Variants in ZNF594 observed in about 807,000 individuals in gnomAD.
ZNF594 encodes the protein zinc finger protein 594, also known as zinc finger protein HZF18.
For missense variants in ZNF594, 1,037 were observed against 964.6 expected (o/e 1.08, Z -0.99); for synonymous variants, 336 against 309.4 (o/e 1.09, Z -0.90).
chr17:5,181,184 A>C lies in ZNF594; in HGVS notation c.*649T>G. Reference sequence around the variant, plus strand: ...CAGTATGAACACGATGGTGTCTAATAAGATCTGAGCTGCCCCTAAAAGATT... The same window carrying C: ...CAGTATGAACACGATGGTGTCTAATCAGATCTGAGCTGCCCCTAAAAGATT... On this transcript the variant is annotated 3_prime_UTR_variant, in exon 2 of 2. Transcript: ENST00000575779. The C allele has an allele frequency of 6.2e-7, 1 of 1,610,964 alleles. No homozygotes were observed. Among genetic ancestry groups the C allele is most frequent in the South Asian group, 1.1e-5 (1 of 91,024 alleles).
rs1210204395 is a variant in ZNF594, at chr17:5,181,280, C to G, written c.*553G>C. The G allele has an allele frequency of 2.5e-6, 4 of 1,612,586 alleles. No individual in the cohort carries two copies. Among genetic ancestry groups the G allele is most frequent in the Non-Finnish European group, 2.5e-6 (3 of 1,178,710 alleles). On this transcript the variant is annotated 3_prime_UTR_variant, in exon 2 of 2. Coordinates refer to ENST00000575779, the MANE Select transcript of ZNF594 (RefSeq NM_032530.2). The stretch of plus-strand genomic sequence containing the variant: ...TATGATGTCTCAGAAGGTCTGAGCT[C>G]TGATTGAAAGTTTTCCCACATTCTT...
At chr17:5,190,340 T>C (rs906870527) in intron 1 of ZNF594, among the ~76,000 whole-genome samples, 7 of 152,100 alleles carry the variant, frequency 4.6e-5, no homozygotes, top group African/African-American at 1.7e-4. Context: ...TGCACTCTAG[T>C]CTGTTGACAG....
rs753488765 is a variant in ZNF594 at position 5,183,028 on chromosome 17, C to A, written c.1229G>T (p.Gly410Val). 1 of 1,614,000 alleles carries A rather than the reference C, an allele frequency of 6.2e-7. No individual in the cohort carries two copies. Among genetic ancestry groups the A allele is most frequent in the African/African-American group, 1.3e-5 (1 of 75,012 alleles). The change falls in exon 2 of 2, where the codon GGG becomes GTG. Residue 410 changes from glycine (G) to valine (V), a missense_variant. Physicochemically the swap from Gly to Val is moderately radical, Grantham distance 109. Coordinates refer to ENST00000575779, the MANE Select transcript of ZNF594 (RefSeq NM_032530.2). The stretch of plus-strand genomic sequence containing the variant: ...GTCTGAGCTCTGATTGAAAGTTTTC[C>A]CACATTCTTTACATTCATATGGTTT... ...GEKPYECKEC[G>V]KTFNQSSDLL... is the part of the protein sequence containing the mutation.
chr17:5,183,958 C>T lies in ZNF594; in HGVS notation c.299G>A (p.Arg100Lys), dbSNP rs1410213162. The change falls in exon 2 of 2, where the codon AGA (arginine) becomes AAA (lysine). Residue 100 changes from arginine (R) to lysine (K), a missense_variant. By Grantham distance (26) the Arg-to-Lys change is conservative. Transcript: ENST00000575779. ...KILSAGESSH[R>K]YEVSGQNFKQ... ...GAAGTTTTGGCCACTAACCTCATAT[C>T]TATGGGAGCTTTCTCCTGCAGAAAG... 1 of 1,614,014 alleles carries T rather than the reference C, an allele frequency of 6.2e-7. No homozygotes were observed.
rs146036622 is a variant in ZNF594 at position 5,179,933 on chromosome 17, A to C, written c.*1900T>G. On this transcript the variant is annotated 3_prime_UTR_variant, in exon 2 of 2. Transcript: ENST00000575779. ...CACAGGACATAGGGGAGTAAAAAGA[A>C]GGCCTTGGTGATTAAAAAGTTGGAA... The C allele has an allele frequency of 0.011, 1,680 of 152,226 alleles. 9 individuals carry two copies. The highest frequency in any genetic ancestry group is 0.015 in the Non-Finnish European group (1,040 of 68,026). The allele number at this position is 152,226 out of a possible 1,614,324, so 9.4% of individuals were successfully genotyped here. A position where few individuals can be genotyped will look rare whatever the true frequency, so the allele number is the denominator to read the frequency against.
At chr17:5,174,877 AG>A (rs2074292406), downstream of ZNF594, 1 of 191,324 alleles carries the variant, frequency 5.2e-6, no homozygotes, top group South Asian at 1.9e-4. Context: ...TAAATAAAAT[AG>A]TGTTGATGTA....
chr17:5,181,979 C>T lies in ZNF594; in HGVS notation c.2278G>A (p.Val760Ile), dbSNP rs758289250. ...KEQRTHQEKK[V>I]YWCNQCSRTF... is the part of the protein sequence containing the mutation. ...CTACTACACTGATTACACCAATAAA[C>T]TTTCTTTTCCTGGTGAGTTCTCTGC... The change falls in exon 2 of 2, where the codon GTT becomes ATT. Residue 760 changes from valine (V) to isoleucine (I), a missense_variant. Val to Ile is a conservative substitution (Grantham distance 29, BLOSUM62 3). Coordinates refer to ENST00000575779, the MANE Select transcript of ZNF594 (RefSeq NM_032530.2). 4.3e-6 allele frequency: 7 copies of T among 1,613,590 alleles called. No individual in the cohort carries two copies. The South Asian group carries it at 6.6e-5, about 15-fold the overall frequency.
intron 1 of ZNF594, among the ~76,000 whole-genome samples, chr17:5,184,755 A>C (rs2074375584): frequency 6.6e-6 from 1 of 152,248 alleles, no homozygotes; most frequent in African/African-American, 2.4e-5. Context: ...CCAGGAAGTT[A>C]GTTTCTCTTC....
Position 5,182,969 on chromosome 17 carries a change from T to C in ZNF594, c.1288A>G (p.Lys430Glu). Reference protein sequence around the residue: ...LRHHRIHSGEKPCVCSKCGKS... With the variant: ...LRHHRIHSGEEPCVCSKCGKS... ...CCACATTTGCTACATACACAAGGTT[T>C]TTCTCCACTGTGAATTCTATGATGT... Residue 430 changes from lysine to glutamate, a missense_variant, in exon 2 of 2, where the codon AAA becomes GAA. Coordinates refer to ENST00000575779, the MANE Select transcript of ZNF594 (RefSeq NM_032530.2). 6.2e-7 allele frequency: 1 copy of C among 1,614,114 alleles called. No homozygotes were observed. The highest frequency in any genetic ancestry group is 1.1e-5 in the South Asian group (1 of 91,072).
At chr17:5,177,739 G>A (rs927640162), downstream of ZNF594, among the ~76,000 whole-genome samples, 1 of 152,164 alleles carries the variant, frequency 6.6e-6, no homozygotes, top group Non-Finnish European at 1.5e-5. Context: ...AGGAGGCTGA[G>A]GCTGGAGAAT....
chr17:5,187,887 C>CTTTT (rs58396316), intron 1 of ZNF594, among the ~76,000 whole-genome samples: 5 of 132,534 alleles, frequency 3.8e-5, no homozygotes, highest in East Asian at 2.2e-4. Context: ...GCTGGATTTC[C>CTTTT]TTTTTTTTTT....
downstream of ZNF594, chr17:5,174,791 A>G (rs980003763): frequency 5.0e-6 from 1 of 198,640 alleles, no homozygotes; most frequent in Non-Finnish European, 1.0e-5. Context: ...AACTACATTC[A>G]CCTTGTAAAT....
rs753712889 is a variant in ZNF594 at position 5,183,561 on chromosome 17, G to C, written c.696C>G (p.Ile232Met). The C allele has an allele frequency of 1.9e-6, 3 of 1,614,084 alleles. No individual in the cohort carries two copies. In the South Asian group the frequency reaches 3.3e-5, roughly 18 times the overall value. ...GSSNLVLHQRIHSRGKPYLCN... is the reference protein window; with the variant it reads ...GSSNLVLHQRMHSRGKPYLCN... ...ATAAATATGGCTTCCCCCTACTGTGGATTCTCTGGTGCAGGACAAGGTTTG... is the reference window on the plus strand; with the variant it reads ...ATAAATATGGCTTCCCCCTACTGTGCATTCTCTGGTGCAGGACAAGGTTTG... The change falls in exon 2 of 2, where the codon ATC becomes ATG. Residue 232 changes from isoleucine to methionine, a missense_variant. Ile to Met is a conservative substitution (Grantham distance 10, BLOSUM62 1). Transcript: ENST00000575779.
downstream of ZNF594, among the ~76,000 whole-genome samples, chr17:5,177,792 C>T (rs540947310): frequency 2.5e-4 from 38 of 152,038 alleles, 1 homozygote; most frequent in Non-Finnish European, 3.4e-4. Flanking sequence ...GCCGAGATTG[C>T]GCCACTGCAC....
Position 5,180,723 on chromosome 17 carries a change from G to C in ZNF594, c.*1110C>G. The C allele has an allele frequency of 3.6e-6, 1 of 280,974 alleles. No individual in the cohort carries two copies. The highest frequency in any genetic ancestry group is 9.8e-5 in the East Asian group (1 of 10,186). The allele number at this position is 280,974 out of a possible 1,614,324, so 17.4% of individuals were successfully genotyped here. A position where few individuals can be genotyped will look rare whatever the true frequency, so the allele number is the denominator to read the frequency against. ...ATTGTATCGTTGGGACCATATTCTA[G>C]TGTCAGTTCTGAGACAGAAAAAAAA... On this transcript the variant is annotated 3_prime_UTR_variant, in exon 2 of 2. Transcript: ENST00000575779.
intron 1 of ZNF594, among the ~76,000 whole-genome samples, chr17:5,184,965 C>A (rs1401563711): frequency 6.6e-6 from 1 of 152,222 alleles, no homozygotes; most frequent in South Asian, 2.1e-4. Flanking sequence ...TTAAGCAAAT[C>A]TGTACTATGC....
intron 1 of ZNF594, among the ~76,000 whole-genome samples, chr17:5,187,729 G>A (rs2074394406): frequency 1.3e-5 from 2 of 152,064 alleles, no homozygotes; most frequent in Admixed American, 1.3e-4. Flanking sequence ...GTTGTTATGA[G>A]AATCAAATAT....
chr17:5,181,862 A>G lies in ZNF594; in HGVS notation c.2395T>C (p.Ser799Pro), dbSNP rs2074343713. Residue 799 changes from serine (S) to proline (P), a missense_variant, in exon 2 of 2, where the codon TCA becomes CCA. Transcript: ENST00000575779. ...GATGTCTCAGAAGGTCTGAGCTCTG[A>G]TTGAGTTTTCCCACATTCTTTACAT... ...YECKECGKTQ[S>P]ELRPSETS The G allele has an allele frequency of 1.2e-6, 2 of 1,613,760 alleles. No individual in the cohort carries two copies. Among genetic ancestry groups the G allele is most frequent in the Non-Finnish European group, 1.7e-6 (2 of 1,179,914 alleles).
downstream of ZNF594, among the ~76,000 whole-genome samples, chr17:5,179,086 G>A (rs900150691): frequency 5.3e-5 from 8 of 151,492 alleles, no homozygotes; most frequent in African/African-American, 1.9e-4. Flanking sequence ...ACAGGGAGGT[G>A]ACAGCGCCAG....
Sources: gnomAD v4.1 joint callset for allele counts (sites outside exome capture counted in the v4.1 genomes callset) on GRCh38, gnomAD v4.1.1 for gene constraint, MANE v1.5 for transcripts, NCBI Gene and HGNC (gene_info 2026-07-23, HGNC 2026-07-21) for gene names.